The following HACD2 variants were observed in gnomAD, a reference collection of about 807,000 sequenced individuals.
HACD2 encodes the protein very-long-chain (3R)-3-hydroxyacyl-CoA dehydratase 2.
HACD2 carries 15 observed loss-of-function variants against 31.0 expected under a neutral mutation model. The ratio of observed to expected loss-of-function variants is 0.48; its 90% CI spans 0.32 to 0.75. The LOEUF (loss-of-function observed/expected upper bound fraction) is 0.75, where lower values mean the gene tolerates loss of function less well. HACD2 is among the 30% of genes least tolerant of loss of function. The pLI, the probability that HACD2 is intolerant of heterozygous loss-of-function variation, is 0.03. For synonymous variants in HACD2, 115 were observed against 122.2 expected, an observed-to-expected ratio of 0.94 and a Z score of 0.39; for missense variants, 283 against 313.0, an observed-to-expected ratio of 0.90 and a Z score of 0.72.
Position 123,500,560 on chromosome 3 carries a change from C to A in HACD2, c.637G>T (p.Asp213Tyr). The change falls in exon 6 of 7, where the codon GAC (aspartate) becomes TAC (tyrosine). Residue 213 changes from aspartate (D) to tyrosine (Y), a missense_variant. Coordinates refer to ENST00000383657, the MANE Select transcript of HACD2 (RefSeq NM_198402.5). ...ATTAGAATCAGGAATGCATAGTAGT[C>A]AAAAGAGAAATTGTATTTGTTGGGT... ...SLPNKYNFSF[D>Y]YYAFLILIMI... 1 of 1,611,372 alleles carries A rather than the reference C, an allele frequency of 6.2e-7. No individual in the cohort carries two copies. The highest frequency in any genetic ancestry group is 8.5e-7 in the Non-Finnish European group (1 of 1,177,680).
intron 3 of HACD2, among the ~76,000 whole-genome samples, chr3:123,540,973 T>A (rs544606826): frequency 3.3e-5 from 5 of 152,326 alleles, no homozygotes; most frequent in African/African-American, 1.2e-4. Context: ...CAAAGCTTTT[T>A]CAAAAAGCTA....
chr3:123,531,284 C>T (rs775233454), intron 3 of HACD2, among the ~76,000 whole-genome samples: 1 of 151,872 alleles, frequency 6.6e-6, no homozygotes, highest in African/African-American at 2.4e-5. Flanking sequence ...TATTTGTCTC[C>T]CTTTCAAAAA....
In HACD2 at chr3:123,567,797, GA is replaced by G; in HGVS notation, c.274-18del. Reference sequence around the variant, plus strand: ...ATGTAAAATCTAGAGGAAAAAAGGGGAAAAAAGAGGAGAATTAGTAAGAATC... The same window carrying G: ...ATGTAAAATCTAGAGGAAAAAAGGGGAAAAAGAGGAGAATTAGTAAGAATC... On this transcript the variant is annotated intron_variant, in intron 2 of 6. Transcript: ENST00000383657. 1.4e-6 allele frequency: 2 copies of G among 1,464,552 alleles called. No individual in the cohort carries two copies. Among genetic ancestry groups the G allele is most frequent in the East Asian group, 2.4e-5 (1 of 40,916 alleles). The allele number at this position is 1,464,552 out of a possible 1,614,324, so 90.7% of individuals were successfully genotyped here. A position where few individuals can be genotyped will look rare whatever the true frequency, so the allele number is the denominator to read the frequency against.
chr3:123,534,047 T>TGC (rs1373928154), intron 3 of HACD2, among the ~76,000 whole-genome samples: 2 of 151,758 alleles, frequency 1.3e-5, no homozygotes, highest in African/African-American at 2.4e-5. Flanking sequence ...TGTGTGTGTG[T>TGC]GTGTGAAGCA....
chr3:123,551,693 A>G (rs2056622463), intron 3 of HACD2, among the ~76,000 whole-genome samples: 1 of 152,144 alleles, frequency 6.6e-6, no homozygotes, highest in African/African-American at 2.4e-5. Context: ...TGGGAAGTCT[A>G]TATTAGTAAA....
At chr3:123,554,267 T>C (rs1432599622) in intron 3 of HACD2, among the ~76,000 whole-genome samples, 1 of 147,572 alleles carries the variant, frequency 6.8e-6, no homozygotes, top group Non-Finnish European at 1.5e-5. Context: ...AAAGACAACC[T>C]TTAAAAACTG....
chr3:123,581,810 G>A (rs1233636017), intron 2 of HACD2, among the ~76,000 whole-genome samples: 3 of 152,082 alleles, frequency 2.0e-5, no homozygotes, highest in African/African-American at 7.2e-5. Flanking sequence ...AAATTTGGAC[G>A]CCTCTAGACA....
intron 4 of HACD2, among the ~76,000 whole-genome samples, chr3:123,508,116 A>G (rs2056002042): frequency 6.6e-6 from 1 of 152,214 alleles, no homozygotes; most frequent in African/African-American, 2.4e-5. Flanking sequence ...AGGATTACTA[A>G]GGAGAAAAGG....
chr3:123,561,689 C>T (rs530027481), intron 3 of HACD2, among the ~76,000 whole-genome samples: 1 of 151,680 alleles, frequency 6.6e-6, no homozygotes, highest in Non-Finnish European at 1.5e-5. Context: ...GAAGACGACA[C>T]AGAAAAGATA....
intron 3 of HACD2, among the ~76,000 whole-genome samples, chr3:123,539,812 C>T (rs150034743): frequency 9.7e-4 from 136 of 139,962 alleles, no homozygotes; most frequent in Middle Eastern, 4.1e-3. Context: ...CTGGGCTGGG[C>T]GCGGTGGCTC....
chr3:123,541,724 G>C (rs2107720336), intron 3 of HACD2, among the ~76,000 whole-genome samples: 1 of 152,096 alleles, frequency 6.6e-6, no homozygotes, highest in Non-Finnish European at 1.5e-5. Flanking sequence ...ATAACAAATT[G>C]GTATGTACGT....
chr3:123,571,683 T>C (rs2056857162), intron 2 of HACD2, among the ~76,000 whole-genome samples: 1 of 152,184 alleles, frequency 6.6e-6, no homozygotes, highest in Non-Finnish European at 1.5e-5. Context: ...ATCAGCCAGC[T>C]TGGCTGACAA....
chr3:123,523,401 G>A (rs963343698), intron 4 of HACD2, among the ~76,000 whole-genome samples: 5 of 152,080 alleles, frequency 3.3e-5, no homozygotes, highest in Non-Finnish European at 5.9e-5. Context: ...GTTCTCTCTC[G>A]ATAACTGCCA....
chr3:123,501,687 T>C (rs2055903613), intron 5 of HACD2, among the ~76,000 whole-genome samples: 1 of 152,172 alleles, frequency 6.6e-6, no homozygotes, highest in South Asian at 2.1e-4. Flanking sequence ...ACAACCAGGG[T>C]AAAAAGCTTC....
chr3:123,566,985 T>C (rs1196978112), intron 3 of HACD2, among the ~76,000 whole-genome samples: 1 of 152,212 alleles, frequency 6.6e-6, no homozygotes, highest in Non-Finnish European at 1.5e-5. Flanking sequence ...ACTTTAGTTA[T>C]GGATTAAATT....
intron 2 of HACD2, among the ~76,000 whole-genome samples, chr3:123,581,370 T>A (rs981757153): frequency 6.6e-6 from 1 of 152,212 alleles, no homozygotes; most frequent in African/African-American, 2.4e-5. Flanking sequence ...AGAATGGGCA[T>A]GTGTCCTAAG....
chr3:123,568,433 C>T (rs1248166057), intron 2 of HACD2, among the ~76,000 whole-genome samples: 1 of 152,240 alleles, frequency 6.6e-6, no homozygotes, highest in African/African-American at 2.4e-5. Context: ...CGTTATCCCT[C>T]TTGATAACCA....
chr3:123,566,569 C>A (rs910629965), intron 3 of HACD2, among the ~76,000 whole-genome samples: 5 of 151,684 alleles, frequency 3.3e-5, no homozygotes, highest in African/African-American at 1.2e-4. Flanking sequence ...CAGGCATGAG[C>A]CACCACACCT....
rs763321983 is a variant in HACD2, at chr3:123,528,514, C to CT, written c.293-41dup. 3.4e-6 allele frequency: 4 copies of CT among 1,166,046 alleles called. No homozygotes were observed. In the African/African-American group the frequency reaches 6.1e-5, roughly 18 times the overall value. 72.2% of individuals were successfully genotyped at this position (1,166,046 alleles called of 1,614,324 possible). Reference sequence around the variant, plus strand: ...GGGATGGATAAATAAATGTACTGTACTAAGTTTCGATATATAATATATTTT... The same window carrying CT: ...GGGATGGATAAATAAATGTACTGTACTTAAGTTTCGATATATAATATATTTT... On this transcript the variant is annotated intron_variant, in intron 3 of 6. Transcript: ENST00000383657.
Sources: allele counts gnomAD v4.1 joint callset (sites outside exome capture counted in the v4.1 genomes callset), GRCh38; gene constraint gnomAD v4.1.1; transcripts MANE v1.5; gene names NCBI Gene and HGNC (gene_info 2026-07-23, HGNC 2026-07-21).